The following ENOSF1 variants were observed in gnomAD, a reference collection of about 807,000 sequenced individuals.
ENOSF1 encodes the protein mitochondrial enolase superfamily member 1.
In ENOSF1, 73 loss-of-function variants were observed where a neutral mutation model predicts 68.2. That is an observed-to-expected ratio of 1.07 (90% CI 0.89 to 1.30). The LOEUF (loss-of-function observed/expected upper bound fraction) is 1.30. ENOSF1 is among the 50% of genes most tolerant of loss of function. The probability of loss-of-function intolerance (pLI) is 0.00; values close to 1 mark genes in which losing one functional copy is unlikely to be tolerated. For missense variants in ENOSF1, 589 were observed against 554.5 expected, an observed-to-expected ratio of 1.06 and a Z score of -0.62; for synonymous variants, 223 against 210.4, an observed-to-expected ratio of 1.06 and a Z score of -0.52.
At chr18:709,232 C>T (rs2612104) in intron 1 of ENOSF1, among the ~76,000 whole-genome samples, 71,576 of 151,832 alleles carry the variant, frequency 0.47, 17,281 homozygotes, top group African/African-American at 0.6. Flanking sequence ...AGTCAGAATG[C>T]GGAGAGGGTC....
chr18:699,112 G>T (rs954698916), intron 2 of ENOSF1, among the ~76,000 whole-genome samples: 1 of 152,070 alleles, frequency 6.6e-6, no homozygotes, highest in East Asian at 1.9e-4. Context: ...CTCCCACCTC[G>T]GCCTCCTGAA....
At chr18:682,703 T>A in intron 11 of ENOSF1, among the ~76,000 whole-genome samples, 1 of 123,390 alleles carries the variant, frequency 8.1e-6, no homozygotes, top group Admixed American at 9.2e-5. Flanking sequence ...ACCTCATCTC[T>A]ACTAAAAATA....
chr18:703,106 T>C (rs1025104566), intron 2 of ENOSF1, among the ~76,000 whole-genome samples: 4 of 152,160 alleles, frequency 2.6e-5, no homozygotes, highest in Non-Finnish European at 5.9e-5. Flanking sequence ...TGTTGTGGTC[T>C]GAAAAAGGAG....
At position 675,386 on chromosome 18, in the gene ENOSF1, C is replaced by T. The variant is rs1165217925; in HGVS notation, c.1165G>A (p.Asp389Asn). 3 of 1,612,818 alleles carry T rather than the reference C, an allele frequency of 1.9e-6. No individual in the cohort carries two copies. The Admixed American group carries it at 5.0e-5, about 27-fold the overall frequency. ...TACTTGAAATGCTCATGCAGGTGGT[C>T]AACATACTCACACACCCTAGGAGGA... is the stretch of plus-strand genomic sequence containing the variant. ...SLENRVCEYV[D>N]HLHEHFKYPV... Residue 389 changes from aspartate (D) to asparagine (N), a missense_variant, in exon 15 of 16, where the codon GAC (aspartate) becomes AAC (asparagine). Asp to Asn is a conservative substitution (Grantham distance 23). Transcript: ENST00000647584.
At chr18:686,249 A>G (rs1428854718) in intron 9 of ENOSF1, 1 of 475,600 alleles carries the variant, frequency 2.1e-6, no homozygotes, top group East Asian at 3.4e-5. Flanking sequence ...GGAGCTAGAC[A>G]GGGAAGTCAG....
intron 15 of ENOSF1, among the ~76,000 whole-genome samples, chr18:674,835 T>A (rs2075314333): frequency 6.6e-6 from 1 of 152,242 alleles, no homozygotes; most frequent in Non-Finnish European, 1.5e-5. Context: ...TTAATATTTT[T>A]AAAATAAGTT....
chr18:663,837 T>C, the ENOSF1 span, among the ~76,000 whole-genome samples: 16,585 of 69,044 alleles, frequency 0.24, 2,470 homozygotes, highest in African/African-American at 0.43. Flanking sequence ...AGATATGCGG[T>C]GTTATTTCTG....
chr18:703,210 C>T (rs138919159), intron 2 of ENOSF1, among the ~76,000 whole-genome samples: 1 of 152,028 alleles, frequency 6.6e-6, no homozygotes, highest in Admixed American at 6.6e-5. Context: ...ACCAAGACAG[C>T]GGTGTGGGGC....
At chr18:696,446 C>T (rs974179908) in intron 3 of ENOSF1, among the ~76,000 whole-genome samples, 1 of 151,920 alleles carries the variant, frequency 6.6e-6, no homozygotes, top group Non-Finnish European at 1.5e-5. Context: ...CTCCTGACCT[C>T]GTGATCTGCC....
Position 673,029 on chromosome 18 carries a change from C to T in ENOSF1, c.*1276G>A, listed in dbSNP as rs780075696. On this transcript the variant is annotated 3_prime_UTR_variant, in exon 16 of 16. Coordinates refer to ENST00000647584, the MANE Select transcript of ENOSF1 (RefSeq NM_017512.7). ...TTCAAAGGAGCTCGAAGGATATTGTCAGTCTTTAGGGGTTGGGCTGGATGC... is the reference window on the plus strand; with the variant it reads ...TTCAAAGGAGCTCGAAGGATATTGTTAGTCTTTAGGGGTTGGGCTGGATGC... 29 of 1,518,980 alleles carry T rather than the reference C, an allele frequency of 1.9e-5. No homozygotes were observed. Among genetic ancestry groups the T allele is most frequent in the Non-Finnish European group, 2.5e-5 (28 of 1,115,018 alleles). 94.1% of individuals were successfully genotyped at this position (1,518,980 alleles called of 1,614,324 possible).
chr18:664,271 T>G, the ENOSF1 span, among the ~76,000 whole-genome samples: 2 of 151,470 alleles, frequency 1.3e-5, no homozygotes, highest in Admixed American at 1.3e-4. Context: ...TTTATTCTCT[T>G]TGAAGCAATT....
rs1048035916 is a variant in ENOSF1 at position 683,436 on chromosome 18, G to A, written c.742-56C>T. On this transcript the variant is annotated intron_variant, in intron 10 of 15. Transcript: ENST00000647584. Reference sequence around the variant, plus strand: ...AGCCCTGAGCCAACCTCACAGCAGGGCTGCGGCTCCCAGGGAGGAAATGCT... The same window carrying A: ...AGCCCTGAGCCAACCTCACAGCAGGACTGCGGCTCCCAGGGAGGAAATGCT... The A allele has an allele frequency of 2.2e-5, 35 of 1,599,598 alleles. 1 individual carries two copies. In the East Asian group the frequency reaches 2.2e-4, roughly 10 times the overall value.
At chr18:669,277 TC>T (rs2074932043), downstream of ENOSF1, 2 of 853,542 alleles carry the variant, frequency 2.3e-6, no homozygotes, top group Non-Finnish European at 3.6e-6. Flanking sequence ...CCTGGGAACT[TC>T]CCCCAGCCAC....
At chr18:710,822 T>C (rs2079441907) in intron 1 of ENOSF1, among the ~76,000 whole-genome samples, 1 of 152,240 alleles carries the variant, frequency 6.6e-6, no homozygotes, top group African/African-American at 2.4e-5. Context: ...TGCTAAAGCT[T>C]CACAGAGGCA....
chr18:668,212 A>C (rs1256003872), downstream of ENOSF1, among the ~76,000 whole-genome samples: 1 of 151,886 alleles, frequency 6.6e-6, no homozygotes, highest in Non-Finnish European at 1.5e-5. Context: ...TTACAGAACT[A>C]CACTACCAAG....
chr18:703,198 C>A (rs984467167), intron 2 of ENOSF1, among the ~76,000 whole-genome samples: 4 of 152,118 alleles, frequency 2.6e-5, no homozygotes, highest in African/African-American at 9.7e-5. Flanking sequence ...CCTGAGACAT[C>A]CACCAAGACA....
Position 677,271 on chromosome 18 carries a change from G to A in ENOSF1, c.1148+74C>T, listed in dbSNP as rs892354223. 5.7e-5 allele frequency: 71 copies of A among 1,243,366 alleles called. 1 individual carries two copies. The highest frequency in any genetic ancestry group is 5.6e-4 in the South Asian group (45 of 80,512). 77.0% of individuals were successfully genotyped at this position (1,243,366 alleles called of 1,614,324 possible). On this transcript the variant is annotated intron_variant, in intron 14 of 15. Transcript: ENST00000647584. The stretch of plus-strand genomic sequence containing the variant: ...GGTCTTAGTGTGTTCTGGTCATGAA[G>A]GCAGAATTTACAAGCTCTGGCCTGG...
At chr18:688,871 C>A (rs943326514) in intron 8 of ENOSF1, among the ~76,000 whole-genome samples, 3 of 152,124 alleles carry the variant, frequency 2.0e-5, no homozygotes, top group African/African-American at 7.2e-5. Context: ...TAGCACTGAT[C>A]TCTCTCTTTT....
At chr18:679,204 A>T (rs1452873502) in intron 11 of ENOSF1, among the ~76,000 whole-genome samples, 3 of 119,692 alleles carry the variant, frequency 2.5e-5, no homozygotes, top group South Asian at 2.8e-4. Flanking sequence ...GAACCCTCTC[A>T]TATCTTTTTT....
Sources: gnomAD v4.1 joint callset for allele counts (sites outside exome capture counted in the v4.1 genomes callset) on GRCh38, gnomAD v4.1.1 for gene constraint, MANE v1.5 for transcripts, NCBI Gene and HGNC (gene_info 2026-07-23, HGNC 2026-07-21) for gene names.